Variants in CLVS1 observed in about 807,000 individuals in gnomAD.
CLVS1 encodes clavesin-1.
Under a neutral mutation model 33.1 loss-of-function variants are expected in CLVS1, and 10 were observed. The ratio of observed to expected loss-of-function variants is 0.30; its 90% CI spans 0.19 to 0.51. The LOEUF (loss-of-function observed/expected upper bound fraction) is 0.51. Among genes scored for constraint, CLVS1 ranks in the 20% least tolerant of loss-of-function variants. The pLI is 0.97. For synonymous variants in CLVS1, 163 were observed against 166.1 expected, an observed-to-expected ratio of 0.98 and a Z score of 0.14; for missense variants, 343 against 433.4, an observed-to-expected ratio of 0.79 and a Z score of 1.85.
chr8:61,096,775 C>T (rs150950643), intron 1 of CLVS1, among the ~76,000 whole-genome samples: 22 of 152,236 alleles, frequency 1.4e-4, no homozygotes, highest in African/African-American at 3.6e-4. Flanking sequence ...TTTATGAAGA[C>T]GGTCATCACA....
chr8:60,977,682 T>C, the CLVS1 span, among the ~76,000 whole-genome samples: 1 of 152,182 alleles, frequency 6.6e-6, no homozygotes, highest in Non-Finnish European at 1.5e-5. Flanking sequence ...AGTGATGTGT[T>C]GGGTATCATT....
chr8:61,017,435 G>C, the CLVS1 span, among the ~76,000 whole-genome samples: 4 of 152,178 alleles, frequency 2.6e-5, no homozygotes, highest in Non-Finnish European at 5.9e-5. Context: ...TCTGCTATAC[G>C]CCATTTCCCT....
At chr8:61,325,273 T>A (rs1811343530) in intron 2 of CLVS1, among the ~76,000 whole-genome samples, 2 of 152,064 alleles carry the variant, frequency 1.3e-5, no homozygotes, top group Non-Finnish European at 2.9e-5. Flanking sequence ...GGTAACTTGA[T>A]TGTGGTAATC....
intron 2 of CLVS1, among the ~76,000 whole-genome samples, chr8:61,240,086 C>A (rs975528008): frequency 6.6e-6 from 1 of 152,292 alleles, no homozygotes; most frequent in South Asian, 2.1e-4. Flanking sequence ...CAGGGAAAAT[C>A]CATTTTCAGT....
intron 1 of CLVS1, among the ~76,000 whole-genome samples, chr8:61,066,212 G>A (rs1045055300): frequency 6.6e-6 from 1 of 152,146 alleles, no homozygotes; most frequent in African/African-American, 2.4e-5. Flanking sequence ...AAAAGTGTTA[G>A]TGGCCAGGCA....
chr8:61,039,187 T>A, the CLVS1 span, among the ~76,000 whole-genome samples: 1 of 152,270 alleles, frequency 6.6e-6, no homozygotes, highest in Non-Finnish European at 1.5e-5. Context: ...AAATATATTT[T>A]ACTTCATCTG....
intron 2 of CLVS1, among the ~76,000 whole-genome samples, chr8:61,341,462 A>C (rs1812026893): frequency 6.6e-6 from 1 of 152,176 alleles, no homozygotes; most frequent in African/African-American, 2.4e-5. Flanking sequence ...GTGAATATGC[A>C]TGTCCCAAAT....
At chr8:61,028,305 C>T in the CLVS1 span, among the ~76,000 whole-genome samples, 4 of 151,976 alleles carry the variant, frequency 2.6e-5, no homozygotes, top group Non-Finnish European at 5.9e-5. Flanking sequence ...TTTAAGGATC[C>T]GAGTAATATG....
At chr8:61,287,907 A>G (rs1475291142), upstream of CLVS1, 4 of 350,802 alleles carry the variant, frequency 1.1e-5, no homozygotes. Context: ...TGTGGTACGG[A>G]GGCATTTAGG....
intron 2 of CLVS1, among the ~76,000 whole-genome samples, chr8:61,275,647 T>C (rs948199969): frequency 6.6e-6 from 1 of 152,208 alleles, no homozygotes; most frequent in Non-Finnish European, 1.5e-5. Flanking sequence ...TGAGTTGTGA[T>C]CTTGAGTTCA....
intron 2 of CLVS1, among the ~76,000 whole-genome samples, chr8:61,325,658 A>G (rs1811356072): frequency 6.6e-6 from 1 of 152,180 alleles, no homozygotes; most frequent in African/African-American, 2.4e-5. Flanking sequence ...GATAGCATCT[A>G]CTGGGCACCA....
intron 2 of CLVS1, among the ~76,000 whole-genome samples, chr8:61,240,342 G>A (rs3864670): frequency 0.16 from 24,293 of 152,032 alleles, 3,598 homozygotes; most frequent in East Asian, 0.68. Context: ...GTTCATTCCT[G>A]ACTTAGGGCC....
chr8:61,065,258 T>C (rs934356927), intron 1 of CLVS1, among the ~76,000 whole-genome samples: 1 of 152,260 alleles, frequency 6.6e-6, no homozygotes, highest in Non-Finnish European at 1.5e-5. Context: ...TTAGATAATG[T>C]AAATAGTTGT....
the CLVS1 span, among the ~76,000 whole-genome samples, chr8:61,033,568 G>A: frequency 0.45 from 68,868 of 151,966 alleles, 16,121 homozygotes; most frequent in Middle Eastern, 0.55. Context: ...GAGTGTGGGT[G>A]GGCCCTTTCT....
chr8:61,357,489 C>CTTTTATTTTTTTTTTT (rs1462908906), intron 2 of CLVS1, among the ~76,000 whole-genome samples: 3 of 30,268 alleles, frequency 9.9e-5, no homozygotes, highest in Admixed American at 7.4e-4. Flanking sequence ...TTTCCTTTTT[C>CTTTTATTTTTTTTTTT]TTTTCTTTTT....
intron 5 of CLVS1, among the ~76,000 whole-genome samples, chr8:61,460,700 T>C (rs1817337761): frequency 6.6e-6 from 1 of 152,164 alleles, no homozygotes; most frequent in Admixed American, 6.5e-5. Context: ...TAAGCAGATA[T>C]TGTTGTTCTT....
At chr8:61,329,342 T>C (rs988713870) in intron 2 of CLVS1, among the ~76,000 whole-genome samples, 3 of 152,138 alleles carry the variant, frequency 2.0e-5, no homozygotes, top group African/African-American at 4.8e-5. Context: ...TATTTTAGTT[T>C]TAGCTATTAG....
chr8:61,427,095 C>G (rs922339816), intron 3 of CLVS1, among the ~76,000 whole-genome samples: 5 of 152,146 alleles, frequency 3.3e-5, no homozygotes, highest in African/African-American at 1.2e-4. Flanking sequence ...TACAATCCAA[C>G]CACTAAAATT....
chr8:61,048,437 C>T, the CLVS1 span, among the ~76,000 whole-genome samples: 2 of 152,294 alleles, frequency 1.3e-5, no homozygotes, highest in East Asian at 3.9e-4. Flanking sequence ...TGGAAATTAA[C>T]AGGCAAAGGG....
Sources: allele counts gnomAD v4.1 joint callset (sites outside exome capture counted in the v4.1 genomes callset), GRCh38; gene constraint gnomAD v4.1.1; transcripts MANE v1.5; gene names NCBI Gene and HGNC (gene_info 2026-07-23, HGNC 2026-07-21).